Variants in SPATS2 observed in about 807,000 individuals in gnomAD.
SPATS2 encodes the protein spermatogenesis associated serine rich 2.
In SPATS2, 38 loss-of-function variants were observed where a neutral mutation model predicts 63.7. The ratio of observed to expected loss-of-function variants is 0.60; its 90% confidence interval spans 0.46 to 0.78. SPATS2 has a LOEUF of 0.78. SPATS2 is among the 30% of genes least tolerant of loss of function. SPATS2 has a pLI of 0.00. For missense variants in SPATS2, 588 were observed against 666.2 expected, an observed-to-expected ratio of 0.88 and a Z score of 1.29; for synonymous variants, 207 against 232.9, an observed-to-expected ratio of 0.89 and a Z score of 1.01.
chr12:49,414,152 G>C (rs560152309), intron 2 of SPATS2, among the ~76,000 whole-genome samples: 7 of 152,236 alleles, frequency 4.6e-5, no homozygotes, highest in African/African-American at 1.2e-4. Flanking sequence ...TTTAGTCCAA[G>C]ATGACAGTGT....
At chr12:49,427,679 G>GA (rs1321862237) in intron 2 of SPATS2, among the ~76,000 whole-genome samples, 1 of 152,094 alleles carries the variant, frequency 6.6e-6, no homozygotes, top group Admixed American at 6.6e-5. Flanking sequence ...ATTTCTTTTA[G>GA]AGTTACAGGA....
intron 2 of SPATS2, among the ~76,000 whole-genome samples, chr12:49,383,888 T>C (rs1944265741): frequency 1.3e-5 from 2 of 152,226 alleles, no homozygotes; most frequent in African/African-American, 4.8e-5. Context: ...GGTGAAAGGT[T>C]GTGCTCTTCT....
At chr12:49,412,992 A>G (rs1323023271) in intron 2 of SPATS2, among the ~76,000 whole-genome samples, 3 of 151,410 alleles carry the variant, frequency 2.0e-5, no homozygotes, top group Admixed American at 2.0e-4. Flanking sequence ...ATGTTAATTG[A>G]TTGGTAATAT....
intron 11 of SPATS2, among the ~76,000 whole-genome samples, chr12:49,521,049 G>T (rs1345209245): frequency 6.6e-6 from 1 of 152,154 alleles, no homozygotes; most frequent in Non-Finnish European, 1.5e-5. Flanking sequence ...GTGTTTCTGA[G>T]ACTAAGCATG....
chr12:49,432,475 A>G (rs1945202044), intron 2 of SPATS2, among the ~76,000 whole-genome samples: 2 of 152,184 alleles, frequency 1.3e-5, no homozygotes, highest in African/African-American at 2.4e-5. Context: ...CCGTCTCAAA[A>G]TATATATACA....
chr12:49,428,111 C>T (rs896464405), intron 2 of SPATS2, among the ~76,000 whole-genome samples: 11 of 151,948 alleles, frequency 7.2e-5, no homozygotes, highest in Non-Finnish European at 1.3e-4. Flanking sequence ...GAAAATTAGC[C>T]GGGCGCCATG....
At chr12:49,486,784 A>G (rs1215359439) in intron 4 of SPATS2, among the ~76,000 whole-genome samples, 1 of 151,796 alleles carries the variant, frequency 6.6e-6, no homozygotes, top group Admixed American at 6.6e-5. Flanking sequence ...CCGTCAAAAA[A>G]AAAAAAAAGA....
At chr12:49,509,785 C>T (rs1409969468) in intron 9 of SPATS2, among the ~76,000 whole-genome samples, 2 of 149,484 alleles carry the variant, frequency 1.3e-5, no homozygotes, top group Non-Finnish European at 3.0e-5. Flanking sequence ...TCACTGCACT[C>T]CAGCCTGGGC....
chr12:49,522,964 T>C (rs1055735943), intron 12 of SPATS2, 111 bp downstream of exon 12: 8 of 881,410 alleles, frequency 9.1e-6, no homozygotes, highest in Admixed American at 5.3e-5. Flanking sequence ...TTTGCTTGTT[T>C]ATATGAAAAC....
chr12:49,419,247 A>G (rs560471591), intron 2 of SPATS2, among the ~76,000 whole-genome samples: 10 of 152,372 alleles, frequency 6.6e-5, no homozygotes, highest in Admixed American at 4.6e-4. Flanking sequence ...GACTTACAAT[A>G]TAGTAGCATG....
At chr12:49,379,185 G>T (rs1944164390) in intron 2 of SPATS2, among the ~76,000 whole-genome samples, 1 of 151,666 alleles carries the variant, frequency 6.6e-6, no homozygotes, top group Admixed American at 6.6e-5. Flanking sequence ...CTCCCAAAGT[G>T]CTGGGATTAC....
At chr12:49,374,941 A>C (rs1944067387) in intron 2 of SPATS2, among the ~76,000 whole-genome samples, 1 of 143,732 alleles carries the variant, frequency 7.0e-6, no homozygotes, top group Non-Finnish European at 1.5e-5. Flanking sequence ...AGCCTGGGAA[A>C]CAGCGAGGAT....
chr12:49,383,170 A>C (rs1944253128), intron 2 of SPATS2, among the ~76,000 whole-genome samples: 1 of 150,846 alleles, frequency 6.6e-6, no homozygotes, highest in East Asian at 2.0e-4. Context: ...GGCGCACACC[A>C]CCATGCCTGG....
intron 2 of SPATS2, among the ~76,000 whole-genome samples, chr12:49,428,695 G>T (rs1465602221): frequency 6.6e-6 from 1 of 152,122 alleles, no homozygotes. Context: ...TTAAATAACA[G>T]TTGATCAGTT....
chr12:49,464,374 C>G (rs141410613), intron 3 of SPATS2, among the ~76,000 whole-genome samples: 4,414 of 150,552 alleles, frequency 0.029, 90 homozygotes, highest in Middle Eastern at 0.085. Context: ...AATCCCAGCA[C>G]TTTGGGAGGA....
chr12:49,435,022 C>CTTTTTTT (rs776284070), intron 2 of SPATS2, among the ~76,000 whole-genome samples: 12 of 114,054 alleles, frequency 1.1e-4, no homozygotes, highest in Admixed American at 3.8e-4. Flanking sequence ...AACTGAATGG[C>CTTTTTTT]TTTTTTTTTT....
At chr12:49,483,758 G>C (rs1946244870) in intron 3 of SPATS2, among the ~76,000 whole-genome samples, 1 of 152,126 alleles carries the variant, frequency 6.6e-6, no homozygotes, top group Non-Finnish European at 1.5e-5. Context: ...ACAGTGCAGA[G>C]ATCAGTAATA....
chr12:49,511,188 C>CA (rs201490020), intron 9 of SPATS2, among the ~76,000 whole-genome samples: 6,241 of 137,306 alleles, frequency 0.045, 177 homozygotes, highest in Non-Finnish European at 0.063. Context: ...GACTCCATCT[C>CA]AAAAAAAAGA....
At chr12:49,398,364 G>A (rs1944550215) in intron 2 of SPATS2, among the ~76,000 whole-genome samples, 1 of 152,098 alleles carries the variant, frequency 6.6e-6, no homozygotes, top group Admixed American at 6.6e-5. Flanking sequence ...GATCCCCTCA[G>A]CAGTTATGTG....
Sources: allele counts gnomAD v4.1 joint callset (sites outside exome capture counted in the v4.1 genomes callset), GRCh38; gene constraint gnomAD v4.1.1; transcripts MANE v1.5; gene names NCBI Gene and HGNC (gene_info 2026-07-23, HGNC 2026-07-21).